Variants in BRINP3 observed in about 807,000 individuals in gnomAD.
BRINP3 encodes the protein BMP/retinoic acid-inducible neural-specific protein 3.
A neutral mutation model predicts 71.0 loss-of-function variants in BRINP3; 19 were observed. That is an observed-to-expected ratio of 0.27 (90% CI 0.19 to 0.39). BRINP3 has a LOEUF of 0.39. Among genes scored for constraint, BRINP3 ranks in the 10% least tolerant of loss-of-function variants. The pLI, the probability that BRINP3 is intolerant of heterozygous loss-of-function variation, is 1.00. For synonymous variants in BRINP3, 380 were observed against 337.7 expected, an observed-to-expected ratio of 1.13 and a Z score of -1.37; for missense variants, 959 against 940.8, an observed-to-expected ratio of 1.02 and a Z score of -0.25.
At chr1:190,358,614 A>G (rs1435269434) in intron 2 of BRINP3, among the ~76,000 whole-genome samples, 12 of 152,236 alleles carry the variant, frequency 7.9e-5, no homozygotes, top group Non-Finnish European at 4.4e-5. Flanking sequence ...CGATTCCTCA[A>G]GGATCTAGAA....
chr1:190,421,401 T>C (rs1673375079), intron 2 of BRINP3, among the ~76,000 whole-genome samples: 1 of 150,714 alleles, frequency 6.6e-6, no homozygotes, highest in Admixed American at 6.7e-5. Context: ...CTTAGGCCAC[T>C]GATAAACTGT....
chr1:190,226,566 ACT>A (rs960993311), intron 5 of BRINP3, among the ~76,000 whole-genome samples: 4 of 151,878 alleles, frequency 2.6e-5, no homozygotes, highest in African/African-American at 9.7e-5. Context: ...ATGATTGAAA[ACT>A]CAGACTATTT....
intron 6 of BRINP3, among the ~76,000 whole-genome samples, chr1:190,171,763 C>T (rs1400333641): frequency 2.0e-5 from 3 of 152,078 alleles, no homozygotes; most frequent in African/African-American, 7.2e-5. Flanking sequence ...AATGGGAAAC[C>T]TGTCAGTTAT....
intron 2 of BRINP3, among the ~76,000 whole-genome samples, chr1:190,374,184 G>T (rs2102208895): frequency 6.6e-6 from 1 of 152,072 alleles, no homozygotes; most frequent in Non-Finnish European, 1.5e-5. Flanking sequence ...TAGGAACAAT[G>T]GTTCAGTATT....
At chr1:190,104,510 T>C (rs1405001075) in intron 7 of BRINP3, among the ~76,000 whole-genome samples, 2 of 152,080 alleles carry the variant, frequency 1.3e-5, no homozygotes, top group South Asian at 4.1e-4. Context: ...ACTTTTTTTT[T>C]CTCAGAAGAT....
intron 2 of BRINP3, among the ~76,000 whole-genome samples, chr1:190,405,776 A>T (rs1351489325): frequency 2.0e-5 from 3 of 152,214 alleles, no homozygotes; most frequent in Non-Finnish European, 4.4e-5. Context: ...TAGGGATTTC[A>T]TTAGCAATCA....
intron 3 of BRINP3, among the ~76,000 whole-genome samples, chr1:190,280,546 A>G (rs141728986): frequency 4.1e-4 from 63 of 151,984 alleles, no homozygotes; most frequent in Admixed American, 5.3e-4. Context: ...ATTCTGGTGT[A>G]AAAAATTGAC....
intron 2 of BRINP3, among the ~76,000 whole-genome samples, chr1:190,288,232 T>C (rs548214324): frequency 6.6e-6 from 1 of 152,076 alleles, no homozygotes; most frequent in South Asian, 2.1e-4. Context: ...TAGGTAACTA[T>C]TGATAAGTGT....
intron 2 of BRINP3, among the ~76,000 whole-genome samples, chr1:190,379,931 G>T (rs1411982880): frequency 6.8e-6 from 1 of 146,044 alleles, no homozygotes; most frequent in Non-Finnish European, 1.5e-5. Flanking sequence ...CCCAGTGGCG[G>T]AGGTTGCAGT....
At chr1:190,306,665 T>G (rs899690885) in intron 2 of BRINP3, among the ~76,000 whole-genome samples, 1 of 148,018 alleles carries the variant, frequency 6.8e-6, no homozygotes, top group African/African-American at 2.5e-5. Flanking sequence ...GATGGATCAG[T>G]TTTTTTTTTA....
chr1:190,356,329 T>C (rs1668725362), intron 2 of BRINP3, among the ~76,000 whole-genome samples: 1 of 152,000 alleles, frequency 6.6e-6, no homozygotes, highest in Non-Finnish European at 1.5e-5. Context: ...GAAAATTGAA[T>C]AGTGTCATTT....
At chr1:190,241,629 A>C (rs897814033) in intron 4 of BRINP3, among the ~76,000 whole-genome samples, 4 of 152,182 alleles carry the variant, frequency 2.6e-5, no homozygotes, top group Non-Finnish European at 5.9e-5. Context: ...ATTGAAGGCC[A>C]AATGAATTAA....
At chr1:190,418,886 C>A (rs948003052) in intron 2 of BRINP3, among the ~76,000 whole-genome samples, 1 of 151,998 alleles carries the variant, frequency 6.6e-6, no homozygotes, top group Non-Finnish European at 1.5e-5. Context: ...AACTAATGTA[C>A]GATGGATTTT....
chr1:190,226,966 A>G (rs1657445048), intron 5 of BRINP3, among the ~76,000 whole-genome samples: 1 of 151,942 alleles, frequency 6.6e-6, no homozygotes, highest in South Asian at 2.1e-4. Flanking sequence ...TTCTAGAAAC[A>G]TGTTTAGTAA....
At chr1:190,301,045 T>G (rs1215898402) in intron 2 of BRINP3, among the ~76,000 whole-genome samples, 1 of 151,450 alleles carries the variant, frequency 6.6e-6, no homozygotes, top group Non-Finnish European at 1.5e-5. Context: ...TTTAAAGAGT[T>G]ACTTGAATAG....
intron 6 of BRINP3, among the ~76,000 whole-genome samples, chr1:190,177,329 ATTTTTTTT>A (rs11307442): frequency 9.1e-5 from 9 of 98,726 alleles, no homozygotes; most frequent in African/African-American, 2.6e-4. Context: ...TGCCTGGATA[ATTTTTTTT>A]TTTTTTTTTT....
At chr1:190,395,998 G>C (rs367703790) in intron 2 of BRINP3, among the ~76,000 whole-genome samples, 2 of 101,826 alleles carry the variant, frequency 2.0e-5, no homozygotes, top group African/African-American at 4.1e-5. Context: ...AGGAAGCAAG[G>C]AAGGAAGGAA....
intron 7 of BRINP3, among the ~76,000 whole-genome samples, chr1:190,104,357 G>A (rs970551790): frequency 6.6e-6 from 1 of 152,066 alleles, no homozygotes; most frequent in Non-Finnish European, 1.5e-5. Flanking sequence ...AAGAATTAAA[G>A]CACAGTTGCA....
intron 1 of BRINP3, among the ~76,000 whole-genome samples, chr1:190,469,214 A>G (rs1558314302): frequency 6.6e-6 from 1 of 151,060 alleles, no homozygotes; most frequent in Admixed American, 6.6e-5. Flanking sequence ...CCATTTTGAA[A>G]CATATAGTCT....
Sources: gnomAD v4.1 joint callset for allele counts (sites outside exome capture counted in the v4.1 genomes callset) on GRCh38, gnomAD v4.1.1 for gene constraint, MANE v1.5 for transcripts, NCBI Gene and HGNC (gene_info 2026-07-23, HGNC 2026-07-21) for gene names.